RBM27: variants seen among roughly 807,000 people sequenced by gnomAD.
RBM27 encodes the protein RNA binding motif protein 27, also known as RNA-binding protein 27.
RBM27 carries 22 observed loss-of-function variants against 135.3 expected under a neutral mutation model. The ratio of observed to expected loss-of-function variants is 0.16; its 90% CI spans 0.12 to 0.23. The LOEUF is 0.23. RBM27 is among the 10% of genes least tolerant of loss of function. The probability of loss-of-function intolerance (pLI) is 1.00; values close to 1 mark genes in which losing one functional copy is unlikely to be tolerated. For missense variants in RBM27, 1,009 were observed against 1,281.0 expected, an observed-to-expected ratio of 0.79 and a Z score of 3.24; for synonymous variants, 481 against 442.4, an observed-to-expected ratio of 1.09 and a Z score of -1.10.
rs1475576236 is a variant in RBM27 at position 146,263,624 on chromosome 5, A to G, written c.2324A>G (p.Asp775Gly). ...LLNQSGGAGE[D>G]CQIFSTPGHP... is the part of the protein sequence containing the mutation. ...AATCAGTCTGGTGGTGCTGGAGAAG[A>G]TTGCCAGGTATGCATTTTTGGGAGC... The change falls in exon 14 of 21, where the codon GAT becomes GGT. Residue 775 changes from aspartate to glycine, a missense_variant. Asp to Gly is a moderately conservative substitution (Grantham distance 94). Transcript: ENST00000265271. 1 of 1,613,488 alleles carries G rather than the reference A, an allele frequency of 6.2e-7. No homozygotes were observed. The highest frequency in any genetic ancestry group is 1.1e-5 in the South Asian group (1 of 90,862).
At chr5:146,219,550 T>C (rs1756351827) in intron 2 of RBM27, among the ~76,000 whole-genome samples, 1 of 152,206 alleles carries the variant, frequency 6.6e-6, no homozygotes, top group Non-Finnish European at 1.5e-5. Flanking sequence ...TCTTACCAAA[T>C]CTGTTTCCAT....
chr5:146,261,268 G>C, intron 12 of RBM27: 2 of 561,442 alleles, frequency 3.6e-6, no homozygotes, highest in Non-Finnish European at 6.2e-6. Context: ...AGAGAAAGAG[G>C]GGGTCAGGGC....
intron 8 of RBM27, among the ~76,000 whole-genome samples, chr5:146,238,701 G>C (rs1425056264): frequency 6.9e-6 from 1 of 144,382 alleles, no homozygotes; most frequent in East Asian, 2.0e-4. Flanking sequence ...TTATGGATAT[G>C]TTCCTCTTTT....
intron 1 of RBM27, among the ~76,000 whole-genome samples, chr5:146,211,159 C>T (rs1266983390): frequency 1.3e-5 from 2 of 151,588 alleles, no homozygotes; most frequent in African/African-American, 4.8e-5. Context: ...TCACACCTGT[C>T]GTCCTACCTA....
chr5:146,244,161 C>T (rs1757521989), intron 8 of RBM27, among the ~76,000 whole-genome samples: 1 of 152,106 alleles, frequency 6.6e-6, no homozygotes, highest in Non-Finnish European at 1.5e-5. Flanking sequence ...AAAGAATTAA[C>T]CTGATTCTGA....
intron 19 of RBM27, among the ~76,000 whole-genome samples, chr5:146,277,688 A>C (rs978066725): frequency 6.6e-6 from 1 of 150,426 alleles, no homozygotes; most frequent in Non-Finnish European, 1.5e-5. Flanking sequence ...AGGCCCAGCT[A>C]ATTTTTTTTT....
chr5:146,229,540 G>T (rs1756835278), intron 4 of RBM27, among the ~76,000 whole-genome samples, 177 bp from the exon 5 acceptor site: 1 of 151,590 alleles, frequency 6.6e-6, no homozygotes, highest in African/African-American at 2.4e-5. Context: ...ATAATTGCAG[G>T]AGGGATGTTT....
At chr5:146,237,479 C>T (rs1757219910) in intron 8 of RBM27, 47 bp downstream of exon 8, 7 of 1,577,124 alleles carry the variant, frequency 4.4e-6, no homozygotes, top group Non-Finnish European at 6.1e-6. Flanking sequence ...ATAGAAAAGC[C>T]AAGTTGTCTC....
At chr5:146,266,765 A>G (rs529224824) in intron 14 of RBM27, among the ~76,000 whole-genome samples, 20 of 152,180 alleles carry the variant, frequency 1.3e-4, no homozygotes, top group African/African-American at 4.3e-4. Context: ...GAGAGACCCT[A>G]TCTCTACAAA....
At position 146,240,486 on chromosome 5, in the gene RBM27, C is replaced by G. The variant is rs566944730; in HGVS notation, c.1279+3054C>G. 2.0e-5 allele frequency among the ~76,000 whole-genome samples: 3 copies of G among 152,230 alleles called. No individual in the cohort carries two copies. In the East Asian group the frequency reaches 5.8e-4, roughly 29 times the overall value. ...GGATTACAGTCGCCCACCACCACAC[C>G]TGGCTAATTTTTGTATTTTTAGTAG... On this transcript the variant is annotated intron_variant, in intron 8 of 20. Coordinates refer to ENST00000265271, the MANE Select transcript of RBM27 (RefSeq NM_018989.2).
rs200965300 is a variant in RBM27 at position 146,258,478 on chromosome 5, C to G, written c.1624C>G (p.Pro542Ala). The G allele has an allele frequency of 6.3e-7, 1 of 1,595,078 alleles. No individual in the cohort carries two copies. The highest frequency in any genetic ancestry group is 8.5e-7 in the Non-Finnish European group (1 of 1,170,988). The change falls in exon 11 of 21, where the codon CCA becomes GCA. Residue 542 changes from proline (P) to alanine (A), a missense_variant. Physicochemically the swap from Pro to Ala is conservative, Grantham distance 27. Transcript: ENST00000265271. ...TAACATTGTGATCCAGACTGAACCACCAGTTCCTGTTTCGATTAATAGCAA... is the reference window on the plus strand; with the variant it reads ...TAACATTGTGATCCAGACTGAACCAGCAGTTCCTGTTTCGATTAATAGCAA... ...AANIVIQTEPPVPVSINSNIT... is the reference protein window; with the variant it reads ...AANIVIQTEPAVPVSINSNIT...
At chr5:146,250,010 C>T (rs945703838) in intron 8 of RBM27, among the ~76,000 whole-genome samples, 2 of 152,068 alleles carry the variant, frequency 1.3e-5, no homozygotes, top group African/African-American at 4.8e-5. Flanking sequence ...TTCTTATATA[C>T]GAAGAAAAGG....
chr5:146,262,013 A>G (rs976465337), intron 13 of RBM27, among the ~76,000 whole-genome samples: 2 of 152,180 alleles, frequency 1.3e-5, no homozygotes, highest in African/African-American at 4.8e-5. Context: ...ATCCTACTGA[A>G]TCAGAATCCC....
At chr5:146,265,082 T>C (rs1358934774) in intron 14 of RBM27, among the ~76,000 whole-genome samples, 2 of 152,188 alleles carry the variant, frequency 1.3e-5, no homozygotes, top group Non-Finnish European at 2.9e-5. Flanking sequence ...AAACTAGTTA[T>C]CTTCCTTCTA....
At chr5:146,277,227 A>G (rs938958707) in intron 19 of RBM27, among the ~76,000 whole-genome samples, 1 of 152,210 alleles carries the variant, frequency 6.6e-6, no homozygotes, top group Non-Finnish European at 1.5e-5. Flanking sequence ...TTGAAATCTT[A>G]CCAATTACAT....
At position 146,286,554 on chromosome 5, in the gene RBM27, G is replaced by A. The variant is rs1284821563; in HGVS notation, c.*524G>A. 1 of 150,568 alleles carries A rather than the reference G, an allele frequency of 6.6e-6. No homozygotes were observed. The highest frequency in any genetic ancestry group is 1.5e-5 in the Non-Finnish European group (1 of 67,796). The allele number at this position is 150,568 out of a possible 1,614,324, so 9.3% of individuals were successfully genotyped here. A position where few individuals can be genotyped will look rare whatever the true frequency, so the allele number is the denominator to read the frequency against. On this transcript the variant is annotated 3_prime_UTR_variant, in exon 21 of 21. Coordinates refer to ENST00000265271, the MANE Select transcript of RBM27 (RefSeq NM_018989.2). The stretch of plus-strand genomic sequence containing the variant: ...AATTTTTTTTTTTTTTTACTTTGGA[G>A]GAGCCCAATTTGTATTCAGTCTAAA...
intron 12 of RBM27, 104 bp downstream of exon 12, chr5:146,261,002 T>G (rs1758372709): frequency 2.6e-6 from 3 of 1,170,788 alleles, no homozygotes; most frequent in Non-Finnish European, 3.6e-6. Context: ...ATTCTGATCA[T>G]CTCTGCTAAG....
chr5:146,249,385 T>C (rs1757780821), intron 8 of RBM27, among the ~76,000 whole-genome samples: 1 of 152,080 alleles, frequency 6.6e-6, no homozygotes, highest in African/African-American at 2.4e-5. Context: ...GTTCCCCTCA[T>C]TGAGACTATG....
chr5:146,255,039 A>G lies in RBM27; in HGVS notation c.1541A>G (p.Gln514Arg). The change falls in exon 10 of 21, where the codon CAG becomes CGG. Residue 514 changes from glutamine (Q) to arginine (R), a missense_variant. Physicochemically the swap from Gln to Arg is conservative, Grantham distance 43 (BLOSUM62 1). Transcript: ENST00000265271. Reference protein sequence around the residue: ...YRQFFSRTQTQRPNLIGLTSG... With the variant: ...YRQFFSRTQTRRPNLIGLTSG... Reference sequence around the variant, plus strand: ...CAGTTCTTTTCAAGAACTCAGACACAGCGTCCCAATCTGATTGGCCTAACA... The same window carrying G: ...CAGTTCTTTTCAAGAACTCAGACACGGCGTCCCAATCTGATTGGCCTAACA... The G allele has an allele frequency of 6.2e-7, 1 of 1,611,894 alleles. No homozygotes were observed. The highest frequency in any genetic ancestry group is 8.5e-7 in the Non-Finnish European group (1 of 1,178,076).
Sources: allele counts gnomAD v4.1 joint callset (sites outside exome capture counted in the v4.1 genomes callset), GRCh38; gene constraint gnomAD v4.1.1; transcripts MANE v1.5; gene names NCBI Gene and HGNC (gene_info 2026-07-23, HGNC 2026-07-21).